Variants in XBP1 observed in about 807,000 individuals in gnomAD.
XBP1 encodes X-box-binding protein 1.
Under a neutral mutation model 34.6 loss-of-function variants are expected in XBP1, and 18 were observed. That is an observed-to-expected ratio of 0.52 (90% CI 0.36 to 0.77). The LOEUF (loss-of-function observed/expected upper bound fraction) is 0.77, where lower values mean the gene tolerates loss of function less well. Among genes scored for constraint, XBP1 ranks in the 30% least tolerant of loss-of-function variants. The probability of loss-of-function intolerance (pLI) is 0.00; values close to 1 mark genes in which losing one functional copy is unlikely to be tolerated. For missense variants in XBP1, 422 were observed against 464.6 expected (o/e 0.91, Z 0.84); for synonymous variants, 191 against 193.4 (o/e 0.99, Z 0.11).
chr22:28,799,973 T>C (rs758621520), intron 1 of XBP1: 1 of 779,436 alleles, frequency 1.3e-6, no homozygotes, highest in Non-Finnish European at 2.4e-6. Flanking sequence ...ATGTCCGAGT[T>C]AAGAGGCTGA....
chr22:28,795,812 C>G, intron 5 of XBP1, 80 bp from the exon 6 acceptor site: 1 of 1,426,552 alleles, frequency 7.0e-7, no homozygotes, highest in Non-Finnish European at 9.4e-7. Context: ...GTACTGGGTT[C>G]CATAATGTAA....
At chr22:28,799,914 C>T (rs1448786881) in intron 1 of XBP1, 1 of 772,008 alleles carries the variant, frequency 1.3e-6, no homozygotes, top group Non-Finnish European at 2.4e-6. Flanking sequence ...TATTTCAGCT[C>T]CGCGCCTCTC....
chr22:28,796,434 AG>A lies in XBP1; in HGVS notation c.454-243del. Reference sequence around the variant, plus strand: ...TGTTTCATTGTGCAGGAAATGTATAAGGAAGCCTTACCTCCCTTTTCTCATC... The same window carrying A: ...TGTTTCATTGTGCAGGAAATGTATAAGAAGCCTTACCTCCCTTTTCTCATC... On this transcript the variant is annotated intron_variant, in intron 3 of 5. Transcript: ENST00000344347. 3 of 359,200 alleles carry A rather than the reference AG, an allele frequency of 8.4e-6. No homozygotes were observed. In the Admixed American group the frequency reaches 1.3e-4, roughly 15 times the overall value. The allele number at this position is 359,200 out of a possible 1,614,324, so 22.3% of individuals were successfully genotyped here.
At chr22:28,796,217 A>G in intron 3 of XBP1, 25 bp from the exon 4 acceptor site, 3 of 1,509,304 alleles carry the variant, frequency 2.0e-6, no homozygotes, top group Non-Finnish European at 1.8e-6. Flanking sequence ...CAAAGTGAAT[A>G]AACAGCTTCA....
intron 2 of XBP1, among the ~76,000 whole-genome samples, chr22:28,797,864 AAGTGGT>A (rs1336666576): frequency 7.2e-5 from 11 of 151,890 alleles, no homozygotes; most frequent in Admixed American, 2.6e-4. Flanking sequence ...GTAATAATAA[AAGTGGT>A]AGTGGTGACT....
chr22:28,800,536 ACGCACCG>A (rs768817536), upstream of XBP1: 18 of 1,479,938 alleles, frequency 1.2e-5, no homozygotes, highest in South Asian at 6.4e-5. Flanking sequence ...GCTCCAGACT[ACGCACCG>A]CGCACCGCGC....
intron 2 of XBP1, among the ~76,000 whole-genome samples, 183 bp from the exon 3 acceptor site, chr22:28,797,388 G>A (rs1014416052): frequency 6.6e-6 from 1 of 152,182 alleles, no homozygotes; most frequent in South Asian, 2.1e-4. Context: ...CTTAATAAGT[G>A]CCACTTCATG....
At chr22:28,795,982 T>C (rs761947788) in intron 5 of XBP1, 65 bp downstream of exon 5, 12 of 1,598,244 alleles carry the variant, frequency 7.5e-6, no homozygotes, top group African/African-American at 1.3e-5. Context: ...GTTAGGGATG[T>C]CAAGCATCAA....
intron 2 of XBP1, 115 bp from the exon 3 acceptor site, chr22:28,797,320 T>G (rs2031769428): frequency 7.1e-6 from 9 of 1,259,006 alleles, no homozygotes; most frequent in Non-Finnish European, 9.8e-6. Context: ...AACTCTATGC[T>G]TGTGGTGTTC....
rs537986542 is a variant in XBP1, at chr22:28,795,984, A to C, written c.573+63T>G. On this transcript the variant is annotated intron_variant, in intron 5 of 5. Coordinates refer to ENST00000344347, the Ensembl canonical transcript of XBP1. The stretch of plus-strand genomic sequence containing the variant: ...CCTCATCTGTCTAGTTAGGGATGTC[A>C]AGCATCAAACAGATGGAATTAACTG... 25 of 1,598,368 alleles carry C rather than the reference A, an allele frequency of 1.6e-5. No homozygotes were observed. The Admixed American group carries it at 4.2e-4, about 27-fold the overall frequency.
At chr22:28,799,300 T>C (rs2031819156) in intron 1 of XBP1, 147 bp from the exon 2 acceptor site, 1 of 597,396 alleles carries the variant, frequency 1.7e-6, no homozygotes, top group African/African-American at 1.8e-5. Context: ...CTCCCCTCAA[T>C]AAAACAAAAT....
chr22:28,800,172 G>C (rs1330756385), intron 1 of XBP1, 126 bp downstream of exon 1: 5 of 1,170,316 alleles, frequency 4.3e-6, no homozygotes, highest in Non-Finnish European at 6.0e-6. Flanking sequence ...GCACCGACCC[G>C]CCAGGCCAAA....
chr22:28,798,750 C>CA (rs748925589), intron 2 of XBP1, among the ~76,000 whole-genome samples: 21 of 147,718 alleles, frequency 1.4e-4, no homozygotes, highest in Non-Finnish European at 2.7e-4. Flanking sequence ...GCTGGGACTA[C>CA]AGGCACTCAC....
intron 1 of XBP1, 47 bp from the exon 2 acceptor site, chr22:28,799,200 TTA>T: frequency 6.9e-7 from 1 of 1,459,586 alleles, no homozygotes; most frequent in East Asian, 2.3e-5. Flanking sequence ...CAAACCTTAT[TTA>T]TGTCTTTATT....
Position 28,797,014 on chromosome 22 carries a change from C to T in XBP1, c.453+63G>A, listed in dbSNP as rs899946826. On this transcript the variant is annotated intron_variant, in intron 3 of 5. Transcript: ENST00000344347. ...CAGAAGTCCAGACTGTAAACATAAT[C>T]GCTGGGTCATGTCACTTGGAACCAG... 37 of 1,541,618 alleles carry T rather than the reference C, an allele frequency of 2.4e-5. No homozygotes were observed. In the South Asian group the frequency reaches 2.7e-4, roughly 11 times the overall value.
At chr22:28,797,609 C>T (rs1205350889) in intron 2 of XBP1, among the ~76,000 whole-genome samples, 1 of 152,024 alleles carries the variant, frequency 6.6e-6, no homozygotes, top group African/African-American at 2.4e-5. Flanking sequence ...GGCAAACCCC[C>T]ATCTCTACTA....
chr22:28,795,581 G>A lies in XBP1; in HGVS notation c.725C>T (p.Thr242Met), dbSNP rs947050650. 6.2e-6 allele frequency: 10 copies of A among 1,614,110 alleles called. No individual in the cohort carries two copies. The highest frequency in any genetic ancestry group is 5.3e-5 in the African/African-American group (4 of 75,010). ...AATGGCTTCCAGCTTGGCTGATGAC[G>A]TCCCCACTGACAGAGAAAGGGAGGC... Residue 242 changes from threonine (T) to methionine (M), a missense_variant, in exon 6 of 6, where the codon ACG becomes ATG. This residue lies in a region of XBP1 where 292 missense variants were observed against 339.9 expected (regional missense o/e 0.86). Coordinates refer to ENST00000344347, the Ensembl canonical transcript of XBP1.
chr22:28,796,361 T>A (rs1474089027), intron 3 of XBP1, 169 bp from the exon 4 acceptor site: 2 of 589,654 alleles, frequency 3.4e-6, no homozygotes, highest in East Asian at 6.8e-5. Context: ...AAGAGCAAGA[T>A]AAGATATTTG....
Position 28,800,361 on chromosome 22 carries a change from AG to A in XBP1, c.163del (p.Leu55CysfsTer13). ...GCGCTGTCGCTTGCGCGCCTGGGGC[AG>A]CCCCCCGCTCGCTGCCTCCGGGCTG... On this transcript the variant is annotated frameshift_variant, in exon 1 of 6. Transcript: ENST00000344347. LOFTEE classifies it high-confidence loss of function. The A allele has an allele frequency of 1.3e-6, 2 of 1,544,134 alleles. No homozygotes were observed. Among genetic ancestry groups the A allele is most frequent in the Non-Finnish European group, 1.7e-6 (2 of 1,147,814 alleles).
Sources: allele counts gnomAD v4.1 joint callset (sites outside exome capture counted in the v4.1 genomes callset), GRCh38; gene constraint gnomAD v4.1.1; regional missense constraint gnomAD v4.1.1; transcripts MANE v1.5; gene names NCBI Gene and HGNC (gene_info 2026-07-23, HGNC 2026-07-21).